SYN3: variants seen among roughly 807,000 people sequenced by gnomAD.
SYN3 encodes the protein synapsin III.
Under a neutral mutation model 65.8 loss-of-function variants are expected in SYN3, and 35 were observed. That is an observed-to-expected ratio of 0.53 (90% CI 0.41 to 0.70). The LOEUF (loss-of-function observed/expected upper bound fraction) is 0.70. Ranked by LOEUF, SYN3 falls within the 30% of genes least tolerant of loss-of-function variation. SYN3 has a pLI of 0.00. For synonymous variants in SYN3, 270 were observed against 292.9 expected (o/e 0.92, Z 0.80); for missense variants, 680 against 749.0 (o/e 0.91, Z 1.08).
At chr22:32,741,417 G>A (rs760314956) in intron 6 of SYN3, among the ~76,000 whole-genome samples, 2 of 146,072 alleles carry the variant, frequency 1.4e-5, no homozygotes, top group Non-Finnish European at 3.0e-5. Context: ...GTGCAGTGGC[G>A]TGATCTCAGC....
chr22:32,820,492 C>A (rs182527337), intron 6 of SYN3, among the ~76,000 whole-genome samples: 1 of 152,130 alleles, frequency 6.6e-6, no homozygotes, highest in Non-Finnish European at 1.5e-5. Flanking sequence ...CGTAACTCCC[C>A]GGCACCTGGC....
intron 3 of SYN3, among the ~76,000 whole-genome samples, chr22:32,977,852 T>A (rs1349628519): frequency 7.9e-5 from 12 of 152,128 alleles, no homozygotes; most frequent in African/African-American, 2.9e-4. Flanking sequence ...CCTTCAGTTC[T>A]CTTTTGTGCC....
At chr22:32,812,461 A>G (rs2145995357) in intron 6 of SYN3, among the ~76,000 whole-genome samples, 1 of 152,278 alleles carries the variant, frequency 6.6e-6, no homozygotes, top group East Asian at 1.9e-4. Flanking sequence ...CGATGGCTAG[A>G]ATTAAGACTC....
At chr22:32,604,366 C>T (rs2059332286) in intron 6 of SYN3, among the ~76,000 whole-genome samples, 1 of 152,198 alleles carries the variant, frequency 6.6e-6, no homozygotes, top group African/African-American at 2.4e-5. Flanking sequence ...TCCTCCTCCT[C>T]AGCCCAACCC....
intron 1 of SYN3, among the ~76,000 whole-genome samples, chr22:33,047,277 C>G (rs2054084120): frequency 6.6e-6 from 1 of 152,154 alleles, no homozygotes; most frequent in South Asian, 2.1e-4. Flanking sequence ...ATCCCCAGCA[C>G]TTAGAATCTG....
At chr22:32,792,205 G>A (rs1377446241) in intron 6 of SYN3, among the ~76,000 whole-genome samples, 1 of 151,816 alleles carries the variant, frequency 6.6e-6, no homozygotes, top group African/African-American at 2.4e-5. Flanking sequence ...GAGAGGTTAA[G>A]GAACTTGTTC....
intron 6 of SYN3, among the ~76,000 whole-genome samples, chr22:32,856,694 T>C (rs1204535106): frequency 6.6e-6 from 1 of 152,234 alleles, no homozygotes; most frequent in Non-Finnish European, 1.5e-5. Context: ...ACTAGCTACT[T>C]TGAGATATAC....
At chr22:32,531,431 G>A (rs183171955) in intron 10 of SYN3, among the ~76,000 whole-genome samples, 3 of 152,212 alleles carry the variant, frequency 2.0e-5, no homozygotes, top group South Asian at 2.1e-4. Context: ...AACAGCCACC[G>A]CAAGGAACCT....
chr22:32,568,676 C>T (rs60785780), intron 7 of SYN3, among the ~76,000 whole-genome samples: 1,546 of 152,230 alleles, frequency 0.01, 31 homozygotes, highest in African/African-American at 0.036. Flanking sequence ...GCCCTCATGA[C>T]CTCCCGAAGG....
intron 6 of SYN3, among the ~76,000 whole-genome samples, chr22:32,624,511 C>T (rs1050170924): frequency 1.3e-5 from 2 of 152,206 alleles, no homozygotes; most frequent in Non-Finnish European, 1.5e-5. Flanking sequence ...TGGCTTCTCC[C>T]CTGGGCCACC....
intron 6 of SYN3, among the ~76,000 whole-genome samples, chr22:32,722,853 C>G (rs948672012): frequency 3.3e-5 from 5 of 152,190 alleles, no homozygotes; most frequent in African/African-American, 1.2e-4. Context: ...CTAATAACCC[C>G]AGAACCGAGG....
intron 2 of SYN3, among the ~76,000 whole-genome samples, chr22:32,992,541 G>A (rs2145724624): frequency 6.6e-6 from 1 of 152,260 alleles, no homozygotes; most frequent in African/African-American, 2.4e-5. Context: ...TGCCAGGCGT[G>A]GTGGCTCACG....
At chr22:33,046,228 C>T (rs57863436) in intron 1 of SYN3, among the ~76,000 whole-genome samples, 12,350 of 152,240 alleles carry the variant, frequency 0.081, 766 homozygotes, top group East Asian at 0.29. Context: ...AACTTTCATA[C>T]GTTGTTGATG....
chr22:32,528,421 G>A (rs552751984), intron 11 of SYN3, among the ~76,000 whole-genome samples: 1 of 152,312 alleles, frequency 6.6e-6, no homozygotes, highest in East Asian at 1.9e-4. Flanking sequence ...ACTGTGGAGG[G>A]GAGGAGCGAC....
intron 2 of SYN3, among the ~76,000 whole-genome samples, chr22:32,991,927 C>T (rs529795580): frequency 2.5e-4 from 38 of 152,234 alleles, no homozygotes; most frequent in Admixed American, 3.9e-4. Flanking sequence ...GCTTCCTAGA[C>T]GTTCTGTAAT....
chr22:32,541,789 C>T, intron 7 of SYN3, 76 bp from the exon 8 acceptor site: 1 of 1,530,518 alleles, frequency 6.5e-7, no homozygotes, highest in Non-Finnish European at 8.8e-7. Flanking sequence ...GGAACAAGTG[C>T]TCTGTCTATA....
Position 32,527,913 on chromosome 22 carries a change from C to A in SYN3, c.1318+5G>T. 6.3e-7 allele frequency: 1 copy of A among 1,584,492 alleles called. No homozygotes were observed. Among genetic ancestry groups the A allele is most frequent in the South Asian group, 1.1e-5 (1 of 87,270 alleles). On this transcript the variant is annotated splice_donor_5th_base_variant and intron_variant, in intron 12 of 13. Coordinates refer to ENST00000358763, the MANE Select transcript of SYN3 (RefSeq NM_003490.4). Reference sequence around the variant, plus strand: ...TTTCTTGCAGTGGCTCGTCCTGGGTCATACCTTGCGGAGGTGGGCGTGGCT... The same window carrying A: ...TTTCTTGCAGTGGCTCGTCCTGGGTAATACCTTGCGGAGGTGGGCGTGGCT...
intron 2 of SYN3, among the ~76,000 whole-genome samples, chr22:32,987,146 A>G (rs978801893): frequency 2.6e-5 from 4 of 152,116 alleles, no homozygotes; most frequent in African/African-American, 9.7e-5. Flanking sequence ...GAGGTCAGGA[A>G]TGTCCTGTCC....
chr22:32,792,621 C>A (rs912583847), intron 6 of SYN3, among the ~76,000 whole-genome samples: 3 of 152,122 alleles, frequency 2.0e-5, no homozygotes, highest in Non-Finnish European at 4.4e-5. Context: ...AGGGCACACC[C>A]GCACCCCTAG....
Sources: gnomAD v4.1 joint callset for allele counts (sites outside exome capture counted in the v4.1 genomes callset) on GRCh38, gnomAD v4.1.1 for gene constraint, MANE v1.5 for transcripts, NCBI Gene and HGNC (gene_info 2026-07-23, HGNC 2026-07-21) for gene names.